TAOK3: variants seen among roughly 807,000 people sequenced by gnomAD.
TAOK3 encodes the protein TAO kinase 3.
A neutral mutation model predicts 120.4 loss-of-function variants in TAOK3; 40 were observed. The observed-to-expected ratio is 0.33, with a 90% CI of 0.26 to 0.43. The LOEUF (loss-of-function observed/expected upper bound fraction) is 0.43, where lower values mean the gene tolerates loss of function less well. Among genes scored for constraint, TAOK3 ranks in the 20% least tolerant of loss-of-function variants. The pLI, the probability that TAOK3 is intolerant of heterozygous loss-of-function variation, is 1.00. For synonymous variants in TAOK3, 355 were observed against 387.5 expected (o/e 0.92, Z 0.99); for missense variants, 821 against 1,112.1 (o/e 0.74, Z 3.72).
chr12:118,191,498 A>G (rs572236444), intron 13 of TAOK3, among the ~76,000 whole-genome samples: 1 of 152,360 alleles, frequency 6.6e-6, no homozygotes, highest in East Asian at 1.9e-4. Context: ...TAAGTGCAAA[A>G]TTGAGTTCCT....
chr12:118,242,890 T>C (rs1247188274), intron 5 of TAOK3, among the ~76,000 whole-genome samples: 4 of 145,326 alleles, frequency 2.8e-5, no homozygotes, highest in Admixed American at 6.9e-5. Context: ...AAAATATATA[T>C]ATATATATGA....
intron 1 of TAOK3, among the ~76,000 whole-genome samples, chr12:118,324,102 ATGTATATG>A (rs1365660817): frequency 6.6e-6 from 1 of 152,168 alleles, no homozygotes; most frequent in African/African-American, 2.4e-5. Flanking sequence ...TGGAGGGGAA[ATGTATATG>A]TGTAAGAAAG....
chr12:118,217,275 G>C lies in TAOK3; in HGVS notation c.644-3165C>G, dbSNP rs138797738. On this transcript the variant is annotated intron_variant, in intron 9 of 20. Transcript: ENST00000392533. ...AAACCAGAATGGACAAGGTTGAAAA[G>C]TAGTAAACTTTAAGTCATTTAGTAG... Among the ~76,000 whole-genome samples the C allele has an allele frequency of 2.0e-4, 31 of 152,304 alleles. No homozygotes were observed. The East Asian group carries it at 5.8e-3, about 28-fold the overall frequency.
At chr12:118,157,881 ACTCT>A (rs906659815) in intron 19 of TAOK3, among the ~76,000 whole-genome samples, 1 of 151,904 alleles carries the variant, frequency 6.6e-6, no homozygotes, top group Non-Finnish European at 1.5e-5. Context: ...TCTTTCTTCA[ACTCT>A]CTCTCCTTTT....
At chr12:118,212,132 T>C (rs1314919408) in intron 11 of TAOK3, among the ~76,000 whole-genome samples, 1 of 152,202 alleles carries the variant, frequency 6.6e-6, no homozygotes. Context: ...ATTGAGGCAA[T>C]ACAACTCTTC....
intron 13 of TAOK3, 166 bp from the exon 14 acceptor site, chr12:118,190,107 T>C (rs1489487561): frequency 3.8e-6 from 3 of 789,996 alleles, no homozygotes; most frequent in Non-Finnish European, 5.8e-6. Context: ...AAGCAACACA[T>C]TGCAGCCTTC....
At chr12:118,290,241 T>TATA in intron 1 of TAOK3, among the ~76,000 whole-genome samples, 1 of 152,182 alleles carries the variant, frequency 6.6e-6, no homozygotes, top group African/African-American at 2.4e-5. Context: ...CTGCTCCTTG[T>TATA]CTACTCTTGG....
intron 1 of TAOK3, among the ~76,000 whole-genome samples, chr12:118,292,359 C>T (rs1464742719): frequency 6.6e-6 from 1 of 152,086 alleles, no homozygotes; most frequent in African/African-American, 2.4e-5. Context: ...ATCCATAAGC[C>T]TTTATCTTAG....
chr12:118,162,622 C>A (rs1017182489), intron 17 of TAOK3, among the ~76,000 whole-genome samples: 1 of 151,744 alleles, frequency 6.6e-6, no homozygotes, highest in East Asian at 1.9e-4. Context: ...AGAGGTAGGC[C>A]AATTGTCTAT....
At chr12:118,223,147 G>A (rs1340212403) in intron 9 of TAOK3, among the ~76,000 whole-genome samples, 2 of 143,062 alleles carry the variant, frequency 1.4e-5, no homozygotes, top group African/African-American at 5.3e-5. Context: ...TCGGCTCACT[G>A]CAAGCTCTGC....
chr12:118,154,959 T>G (rs1049152443), intron 19 of TAOK3, among the ~76,000 whole-genome samples: 1 of 151,968 alleles, frequency 6.6e-6, no homozygotes, highest in Non-Finnish European at 1.5e-5. Flanking sequence ...CTACAGCCCA[T>G]GGGCCAAATC....
At chr12:118,211,830 G>A (rs2038651819) in intron 11 of TAOK3, among the ~76,000 whole-genome samples, 1 of 151,624 alleles carries the variant, frequency 6.6e-6, no homozygotes, top group Non-Finnish European at 1.5e-5. Context: ...TTGGTTTTTT[G>A]TTTGTTTGTT....
At chr12:118,215,142 G>T (rs1180067934) in intron 9 of TAOK3, among the ~76,000 whole-genome samples, 2 of 149,992 alleles carry the variant, frequency 1.3e-5, no homozygotes, top group African/African-American at 4.9e-5. Context: ...GCCTCCAAAA[G>T]TGCTGGGATT....
chr12:118,162,767 GTCTT>G (rs1184648965), intron 17 of TAOK3, among the ~76,000 whole-genome samples: 23 of 152,190 alleles, frequency 1.5e-4, no homozygotes, highest in African/African-American at 5.5e-4. Context: ...TTCTACTCAT[GTCTT>G]TCTTTCTTCC....
intron 13 of TAOK3, 119 bp downstream of exon 13, chr12:118,198,932 G>A: frequency 9.6e-7 from 1 of 1,037,564 alleles, no homozygotes; most frequent in Non-Finnish European, 1.5e-6. Flanking sequence ...CACATGCCAG[G>A]TTTAGTACCA....
At chr12:118,233,129 A>G (rs2039856820) in intron 9 of TAOK3, among the ~76,000 whole-genome samples, 1 of 151,826 alleles carries the variant, frequency 6.6e-6, no homozygotes, top group African/African-American at 2.4e-5. Context: ...GGAAACCATC[A>G]TTCTCAGCAA....
intron 3 of TAOK3, among the ~76,000 whole-genome samples, chr12:118,253,676 G>A (rs1002995184): frequency 6.6e-6 from 1 of 151,404 alleles, no homozygotes; most frequent in Non-Finnish European, 1.5e-5. Context: ...GGTGGAGGTT[G>A]TAGTGAGCCG....
chr12:118,217,829 A>G (rs866052448), intron 9 of TAOK3, among the ~76,000 whole-genome samples: 10,243 of 90,444 alleles, frequency 0.11, 1,519 homozygotes, highest in Non-Finnish European at 0.15. Context: ...ATATATATAT[A>G]TATATATATA....
rs185288395 is a variant in TAOK3, at chr12:118,221,227, T to C, written c.644-7117A>G. 3.9e-3 allele frequency among the ~76,000 whole-genome samples: 587 copies of C among 152,264 alleles called. 3 individuals are homozygous for C. Among genetic ancestry groups the C allele is most frequent in the Non-Finnish European group, 4.5e-3 (303 of 67,998 alleles). On this transcript the variant is annotated intron_variant, in intron 9 of 20. Coordinates refer to ENST00000392533, the MANE Select transcript of TAOK3 (RefSeq NM_016281.4). ...AGAATATAGCAGTTTTCTTTTCTTTTTTTTTTCTTTTTTTGAGACAGAGTC... is the reference window on the plus strand; with the variant it reads ...AGAATATAGCAGTTTTCTTTTCTTTCTTTTTTCTTTTTTTGAGACAGAGTC...
Sources: gnomAD v4.1 joint callset for allele counts (sites outside exome capture counted in the v4.1 genomes callset) on GRCh38, gnomAD v4.1.1 for gene constraint, MANE v1.5 for transcripts, NCBI Gene and HGNC (gene_info 2026-07-23, HGNC 2026-07-21) for gene names.